The following FGF1 variants were observed in gnomAD, a reference collection of about 807,000 sequenced individuals.
The protein encoded by FGF1 is beta-endothelial cell growth factor.
Under a neutral mutation model 13.4 loss-of-function variants are expected in FGF1, and 9 were observed. The observed-to-expected ratio is 0.67, with a 90% CI of 0.40 to 1.17. FGF1 has a LOEUF of 1.17. Among genes scored for constraint, FGF1 ranks in the 50% most tolerant of loss-of-function variants. The pLI, the probability that FGF1 is intolerant of heterozygous loss-of-function variation, is 0.01. For synonymous variants in FGF1, 93 were observed against 79.0 expected (o/e 1.18, Z -0.94); for missense variants, 156 against 192.7 (o/e 0.81, Z 1.13).
intron 1 of FGF1, among the ~76,000 whole-genome samples, chr5:142,631,779 C>CT (rs34929420): frequency 0.026 from 2,442 of 92,916 alleles, 125 homozygotes; most frequent in East Asian, 0.12. Flanking sequence ...TTTAAATTAG[C>CT]TTTTTTTTTT....
At chr5:142,628,844 G>A (rs1762877973) in intron 1 of FGF1, among the ~76,000 whole-genome samples, 2 of 152,194 alleles carry the variant, frequency 1.3e-5, no homozygotes, top group African/African-American at 4.8e-5. Flanking sequence ...ACGTCAGAGT[G>A]ACTTCTTGCT....
In FGF1 at chr5:142,616,407, C is replaced by T. The variant is rs536932125; in HGVS notation, c.-34-2246G>A. ...TAAAGTCAGATCATCCCAAATGTCCCCTCCATCCCATATGGTGAAACTTCG... is the reference window on the plus strand; with the variant it reads ...TAAAGTCAGATCATCCCAAATGTCCTCTCCATCCCATATGGTGAAACTTCG... On this transcript the variant is annotated intron_variant, in intron 1 of 3. Coordinates refer to ENST00000337706, the MANE Select transcript of FGF1 (RefSeq NM_000800.5). Among the ~76,000 whole-genome samples, 38 of 152,308 alleles carry T rather than the reference C, an allele frequency of 2.5e-4. 2 individuals carry two copies. The highest frequency in any genetic ancestry group is 7.9e-4 in the African/African-American group (33 of 41,570).
intron 1 of FGF1, chr5:142,621,210 G>A (rs1283281847): frequency 6.6e-6 from 1 of 152,342 alleles, no homozygotes; most frequent in Non-Finnish European, 1.5e-5. Flanking sequence ...TGACCTGTGA[G>A]GCTCTCATCA....
intron 2 of FGF1, among the ~76,000 whole-genome samples, chr5:142,604,464 A>T (rs1002626770): frequency 5.9e-5 from 9 of 152,200 alleles, no homozygotes; most frequent in Non-Finnish European, 1.3e-4. Context: ...ACAGTATAAA[A>T]TTAAAGAGTG....
chr5:142,644,460 C>A (rs1765688261), intron 1 of FGF1, among the ~76,000 whole-genome samples: 1 of 152,048 alleles, frequency 6.6e-6, no homozygotes, highest in African/African-American at 2.4e-5. Flanking sequence ...ACATCTTGGT[C>A]TGGCTGGACC....
At chr5:142,656,838 A>C (rs1006049468) in intron 1 of FGF1, among the ~76,000 whole-genome samples, 3 of 152,188 alleles carry the variant, frequency 2.0e-5, no homozygotes, top group Non-Finnish European at 4.4e-5. Context: ...TGAAAAAATG[A>C]TTACCCCTGG....
At chr5:142,635,106 T>C (rs995497180) in intron 1 of FGF1, among the ~76,000 whole-genome samples, 1 of 152,204 alleles carries the variant, frequency 6.6e-6, no homozygotes, top group Non-Finnish European at 1.5e-5. Flanking sequence ...TAATGGTTGA[T>C]ACTAGACTCC....
rs766571572 is a variant in FGF1, at chr5:142,592,548, T to G, written c.*2742A>C. Reference sequence around the variant, plus strand: ...TGTTCAGAGCTGGCCCGAAAATGAATCCATATGAGAGTCACGTGACAGGAG... The same window carrying G: ...TGTTCAGAGCTGGCCCGAAAATGAAGCCATATGAGAGTCACGTGACAGGAG... On this transcript the variant is annotated 3_prime_UTR_variant, in exon 4 of 4. Transcript: ENST00000337706. The G allele has an allele frequency of 1.0e-5, 4 of 397,316 alleles. No homozygotes were observed. The highest frequency in any genetic ancestry group is 3.6e-5 in the East Asian group (1 of 28,036). 24.6% of individuals were successfully genotyped at this position (397,316 alleles called of 1,614,324 possible).
chr5:142,666,967 A>G (rs1770504793), intron 1 of FGF1, among the ~76,000 whole-genome samples: 1 of 148,184 alleles, frequency 6.7e-6, no homozygotes, highest in Admixed American at 6.7e-5. Context: ...AAAGAGACAG[A>G]AAAAAAAAAG....
chr5:142,615,831 G>C (rs527770205), intron 1 of FGF1, among the ~76,000 whole-genome samples: 1 of 152,220 alleles, frequency 6.6e-6, no homozygotes, highest in African/African-American at 2.4e-5. Context: ...AAAAGGTTTA[G>C]TGACTTTATC....
chr5:142,651,033 C>G (rs17223332), intron 1 of FGF1, among the ~76,000 whole-genome samples: 1 of 152,104 alleles, frequency 6.6e-6, no homozygotes, highest in Non-Finnish European at 1.5e-5. Context: ...GTGGTGCAAA[C>G]GCAGCTTCAA....
chr5:142,672,561 ATGGTGTGAT>A (rs556421097), intron 1 of FGF1, among the ~76,000 whole-genome samples: 148 of 148,218 alleles, frequency 1.0e-3, no homozygotes, highest in African/African-American at 3.7e-3. Context: ...CTGGAATGCA[ATGGTGTGAT>A]CTCGGCTCAC....
Position 142,594,147 on chromosome 5 carries a change from C to G in FGF1, c.*1143G>C, listed in dbSNP as rs1033094766. The G allele has an allele frequency of 3.9e-5, 6 of 152,068 alleles. No individual in the cohort carries two copies. Among genetic ancestry groups the G allele is most frequent in the Non-Finnish European group, 8.8e-5 (6 of 68,040 alleles). 9.4% of individuals were successfully genotyped at this position (152,068 alleles called of 1,614,324 possible). Reference sequence around the variant, plus strand: ...GGGTTAGTTGAGGTCAGGTGAGGTTCGGGGCGTCGAACCACCTTCATTTGA... The same window carrying G: ...GGGTTAGTTGAGGTCAGGTGAGGTTGGGGGCGTCGAACCACCTTCATTTGA... On this transcript the variant is annotated 3_prime_UTR_variant, in exon 4 of 4. Transcript: ENST00000337706.
chr5:142,645,230 C>T (rs75461396), intron 1 of FGF1, among the ~76,000 whole-genome samples: 1,701 of 152,232 alleles, frequency 0.011, 17 homozygotes, highest in Non-Finnish European at 0.018. Context: ...TCCCTGATGG[C>T]GGATGAGAAC....
intron 1 of FGF1, among the ~76,000 whole-genome samples, chr5:142,675,932 C>T (rs1288243003): frequency 6.6e-6 from 1 of 152,116 alleles, no homozygotes; most frequent in Non-Finnish European, 1.5e-5. Context: ...GTGCATTGAG[C>T]GAAAGGGATC....
intron 2 of FGF1, among the ~76,000 whole-genome samples, chr5:142,607,649 G>A (rs1038048234): frequency 2.0e-5 from 3 of 152,184 alleles, no homozygotes; most frequent in Non-Finnish European, 4.4e-5. Flanking sequence ...GTGACTGTAT[G>A]TGCCCGCAAT....
intron 1 of FGF1, among the ~76,000 whole-genome samples, chr5:142,641,985 T>A (rs1212895830): frequency 6.6e-6 from 1 of 152,242 alleles, no homozygotes; most frequent in East Asian, 1.9e-4. Flanking sequence ...GAAAAATGGA[T>A]CTGAAGGTGG....
chr5:142,598,030 G>T (rs1257023060), intron 3 of FGF1, among the ~76,000 whole-genome samples: 1 of 152,214 alleles, frequency 6.6e-6, no homozygotes, highest in Non-Finnish European at 1.5e-5. Context: ...GGAACAAGAT[G>T]AGATATAAAT....
At position 142,592,609 on chromosome 5, in the gene FGF1, T is replaced by C. The variant is rs1176193582; in HGVS notation, c.*2681A>G. On this transcript the variant is annotated 3_prime_UTR_variant, in exon 4 of 4. Coordinates refer to ENST00000337706, the MANE Select transcript of FGF1 (RefSeq NM_000800.5). ...GACTTACTTAAGACAGCAATGGGAA[T>C]GTCCCCAGGTTAATAAACTAGAGCA... 2 of 395,768 alleles carry C rather than the reference T, an allele frequency of 5.1e-6. No individual in the cohort carries two copies. Among genetic ancestry groups the C allele is most frequent in the Non-Finnish European group, 8.9e-6 (2 of 224,754 alleles). The allele number at this position is 395,768 out of a possible 1,614,324, so 24.5% of individuals were successfully genotyped here. A position where few individuals can be genotyped will look rare whatever the true frequency, so the allele number is the denominator to read the frequency against.
Sources: gnomAD v4.1 joint callset for allele counts (sites outside exome capture counted in the v4.1 genomes callset) on GRCh38, gnomAD v4.1.1 for gene constraint, MANE v1.5 for transcripts, NCBI Gene and HGNC (gene_info 2026-07-23, HGNC 2026-07-21) for gene names.